PAN3: variants seen among roughly 807,000 people sequenced by gnomAD.
The protein encoded by PAN3 is poly(A) specific ribonuclease subunit PAN3, also known as PAN2-PAN3 deadenylation complex subunit PAN3.
A neutral mutation model predicts 96.2 loss-of-function variants in PAN3; 19 were observed. The ratio of observed to expected loss-of-function variants is 0.20; its 90% CI spans 0.14 to 0.29. PAN3 has a LOEUF of 0.29. Ranked by LOEUF, PAN3 falls within the 10% of genes least tolerant of loss-of-function variation. The pLI is 1.00. For synonymous variants in PAN3, 433 were observed against 406.6 expected (o/e 1.06, Z -0.78); for missense variants, 882 against 1,108.1 (o/e 0.80, Z 2.90).
chr13:28,279,146 G>A (rs1887271732), intron 15 of PAN3, among the ~76,000 whole-genome samples: 1 of 151,956 alleles, frequency 6.6e-6, no homozygotes, highest in African/African-American at 2.4e-5. Context: ...AGAATAAGCG[G>A]CAGTAGATGA....
chr13:28,143,883 A>C (rs1165885226), intron 1 of PAN3, among the ~76,000 whole-genome samples: 1 of 152,194 alleles, frequency 6.6e-6, no homozygotes, highest in Non-Finnish European at 1.5e-5. Flanking sequence ...CGTGTGGCAA[A>C]GCTGTTTTTG....
intron 12 of PAN3, 121 bp from the exon 13 acceptor site, chr13:28,270,580 T>C (rs1286342086): frequency 8.9e-6 from 9 of 1,008,040 alleles, no homozygotes; most frequent in East Asian, 5.2e-5. Context: ...CACACACATA[T>C]ATAAATTGAC....
intron 15 of PAN3, among the ~76,000 whole-genome samples, chr13:28,279,677 T>C (rs1007218009): frequency 6.6e-6 from 1 of 151,218 alleles, no homozygotes; most frequent in Middle Eastern, 3.4e-3. Context: ...GGAGAATTGC[T>C]TGAACCCAGG....
chr13:28,144,717 T>TG (rs1566132317), intron 1 of PAN3, among the ~76,000 whole-genome samples: 3 of 115,870 alleles, frequency 2.6e-5, no homozygotes, highest in Non-Finnish European at 5.1e-5. Flanking sequence ...CAAAACATCA[T>TG]CTTTTTTTTT....
intron 8 of PAN3, 117 bp downstream of exon 8, chr13:28,260,668 C>A (rs959028503): frequency 1.6e-4 from 130 of 796,438 alleles, no homozygotes; most frequent in Non-Finnish European, 2.3e-4. Context: ...TCTAGTAAAG[C>A]ACATCGAATT....
At chr13:28,200,135 A>G (rs1026830787) in intron 5 of PAN3, among the ~76,000 whole-genome samples, 36 of 152,194 alleles carry the variant, frequency 2.4e-4, no homozygotes, top group African/African-American at 6.5e-4. Flanking sequence ...CTTTACTTCT[A>G]TGTGCTGTAG....
intron 4 of PAN3, among the ~76,000 whole-genome samples, chr13:28,190,007 A>C (rs1209535795): frequency 6.6e-6 from 1 of 152,156 alleles, no homozygotes; most frequent in Non-Finnish European, 1.5e-5. Context: ...CCAATGACAC[A>C]ATCTTGACTC....
chr13:28,182,257 C>A (rs1049581260), intron 4 of PAN3, among the ~76,000 whole-genome samples: 10 of 152,154 alleles, frequency 6.6e-5, no homozygotes, highest in African/African-American at 2.4e-4. Flanking sequence ...TGAGGCAAAT[C>A]CCAGGCAAAA....
At chr13:28,261,545 G>T in intron 9 of PAN3, 87 bp downstream of exon 9, 3 of 1,240,144 alleles carry the variant, frequency 2.4e-6, no homozygotes, top group Non-Finnish European at 2.3e-6. Flanking sequence ...ATTAAGAAGA[G>T]TTCCAGGCTG....
At chr13:28,227,965 C>T (rs961074930) in intron 6 of PAN3, among the ~76,000 whole-genome samples, 2 of 152,094 alleles carry the variant, frequency 1.3e-5, no homozygotes, top group African/African-American at 4.8e-5. Flanking sequence ...AATGAATGCC[C>T]GAGAATGTTT....
At chr13:28,240,806 A>G (rs1184382716) in intron 6 of PAN3, among the ~76,000 whole-genome samples, 1 of 152,206 alleles carries the variant, frequency 6.6e-6, no homozygotes, top group Non-Finnish European at 1.5e-5. Flanking sequence ...AAAGGCTAGT[A>G]TTATTTTAGT....
chr13:28,174,313 A>G lies in PAN3; in HGVS notation c.472A>G (p.Thr158Ala), dbSNP rs759474113. Residue 158 changes from threonine to alanine, a missense_variant, in exon 2 of 19, where the codon ACA becomes GCA. Physicochemically the swap from Thr to Ala is moderately conservative, Grantham distance 58. This residue lies in a region of PAN3 where 442 missense variants were observed against 422.8 expected (regional missense o/e 1.05). Coordinates refer to ENST00000380958, the MANE Select transcript of PAN3 (RefSeq NM_175854.8). ...DGGALTDTSL[T>A]DSYFSTSFIG... ...AGGTGCTTTAACTGATACAAGTCTC[A>G]CAGATTCCTATTTTAGCACCAGCTT... The G allele has an allele frequency of 4.3e-6, 7 of 1,612,598 alleles. No homozygotes were observed. The highest frequency in any genetic ancestry group is 5.9e-6 in the Non-Finnish European group (7 of 1,178,748).
intron 1 of PAN3, among the ~76,000 whole-genome samples, chr13:28,149,897 C>T (rs958729617): frequency 7.9e-5 from 12 of 152,176 alleles, no homozygotes; most frequent in Non-Finnish European, 1.3e-4. Context: ...GCTGGGATTA[C>T]AGGCATAAGC....
At chr13:28,231,156 G>A (rs890020035) in intron 6 of PAN3, among the ~76,000 whole-genome samples, 1 of 152,158 alleles carries the variant, frequency 6.6e-6, no homozygotes, top group South Asian at 2.1e-4. Flanking sequence ...CCTGATGCTG[G>A]TTTTTTAAAA....
rs1566238170 is a variant in PAN3 at position 28,260,466 on chromosome 13, T to G, written c.1268T>G (p.Ile423Ser). 1 of 1,612,628 alleles carries G rather than the reference T, an allele frequency of 6.2e-7. No homozygotes were observed. The highest frequency in any genetic ancestry group is 2.2e-5 in the East Asian group (1 of 44,832). The stretch of plus-strand genomic sequence containing the variant: ...TTTTAGGTGTTTCCAAACTATCATA[T>G]TTATCCTCCAACTGCACCTCACGTT... ...LTGMVFPNYH[I>S]YPPTAPHVAY... The change falls in exon 8 of 19, where the codon ATT becomes AGT. Residue 423 changes from isoleucine to serine, a missense_variant. Physicochemically the swap from Ile to Ser is moderately radical, Grantham distance 142 (BLOSUM62 -2). Coordinates refer to ENST00000380958, the MANE Select transcript of PAN3 (RefSeq NM_175854.8).
chr13:28,195,164 C>G (rs551926127), intron 4 of PAN3, among the ~76,000 whole-genome samples: 2 of 152,194 alleles, frequency 1.3e-5, no homozygotes, highest in African/African-American at 4.8e-5. Flanking sequence ...AATCCCAGCA[C>G]TTTGGGAGGT....
chr13:28,255,826 T>A (rs1047630859), intron 6 of PAN3, among the ~76,000 whole-genome samples: 1 of 152,100 alleles, frequency 6.6e-6, no homozygotes, highest in African/African-American at 2.4e-5. Flanking sequence ...TTAGATAATT[T>A]GAATTTTTAA....
chr13:28,271,906 G>A (rs2138673707), intron 13 of PAN3, 75 bp from the exon 14 acceptor site: 2 of 1,043,616 alleles, frequency 1.9e-6, no homozygotes, highest in South Asian at 1.9e-5. Context: ...TTTGGGAAAT[G>A]TTACTTTTCC....
intron 6 of PAN3, among the ~76,000 whole-genome samples, chr13:28,225,981 A>C (rs1043372810): frequency 2.0e-5 from 3 of 152,206 alleles, no homozygotes; most frequent in African/African-American, 7.2e-5. Context: ...AGATATGTCT[A>C]CCTAGCTATA....
Sources: gnomAD v4.1 joint callset for allele counts (sites outside exome capture counted in the v4.1 genomes callset) on GRCh38, gnomAD v4.1.1 for gene constraint, gnomAD v4.1.1 regional missense constraint, MANE v1.5 for transcripts, NCBI Gene and HGNC (gene_info 2026-07-23, HGNC 2026-07-21) for gene names.